The following ELOVL6 variants were observed in gnomAD, a reference collection of about 807,000 sequenced individuals.
ELOVL6 encodes the protein ELOVL fatty acid elongase 6.
A neutral mutation model predicts 31.7 loss-of-function variants in ELOVL6; 8 were observed. The ratio of observed to expected loss-of-function variants is 0.25; its 90% CI spans 0.15 to 0.45. The LOEUF (loss-of-function observed/expected upper bound fraction) is 0.45. Among genes scored for constraint, ELOVL6 ranks in the 20% least tolerant of loss-of-function variants. The probability of loss-of-function intolerance (pLI) is 1.00; values close to 1 mark genes in which losing one functional copy is unlikely to be tolerated. For synonymous variants in ELOVL6, 101 were observed against 117.7 expected (o/e 0.86, Z 0.92); for missense variants, 126 against 326.4 (o/e 0.39, Z 4.73).
intron 1 of ELOVL6, among the ~76,000 whole-genome samples, chr4:110,109,883 G>GT (rs1052421180): frequency 6.6e-6 from 1 of 152,144 alleles, no homozygotes; most frequent in African/African-American, 2.4e-5. Flanking sequence ...CTTTCATGTC[G>GT]TATCTACATG....
intron 1 of ELOVL6, among the ~76,000 whole-genome samples, chr4:110,185,465 T>C (rs1759410212): frequency 6.6e-6 from 1 of 152,142 alleles, no homozygotes; most frequent in African/African-American, 2.4e-5. Context: ...ATGTACTAAG[T>C]GCCAAATTTT....
At chr4:110,100,513 A>G (rs191260155) in intron 2 of ELOVL6, among the ~76,000 whole-genome samples, 89 of 152,274 alleles carry the variant, frequency 5.8e-4, no homozygotes, top group African/African-American at 2.1e-3. Context: ...TATGCTGCAG[A>G]TATGATTTAA....
chr4:110,138,762 C>T (rs116759377), intron 1 of ELOVL6, among the ~76,000 whole-genome samples: 1,540 of 152,092 alleles, frequency 0.01, 19 homozygotes, highest in African/African-American at 0.036. Context: ...GTGAGTCCCA[C>T]GCAGCTCTTA....
intron 2 of ELOVL6, among the ~76,000 whole-genome samples, chr4:110,069,131 A>AAATAATAATAATAATAATAAT (rs58966120): frequency 7.5e-6 from 1 of 133,698 alleles, no homozygotes; most frequent in Non-Finnish European, 1.5e-5. Flanking sequence ...CTCTGTCTCC[A>AAATAATAATAATAATAATAAT]AATAATAATA....
intron 1 of ELOVL6, among the ~76,000 whole-genome samples, chr4:110,144,772 C>A (rs1220987829): frequency 6.6e-6 from 1 of 152,110 alleles, no homozygotes; most frequent in African/African-American, 2.4e-5. Context: ...CTTTGAAGAA[C>A]TGAAATAATT....
rs1560813510 is a variant in ELOVL6, at chr4:110,084,012, G to GA, written c.221+21484_221+21485insT. On this transcript the variant is annotated intron_variant, in intron 2 of 3. Transcript: ENST00000302274. ...CGATATATAACATATGCCATATATG[G>GA]TATATAACATATGCCATATATGGTA... 1.2e-3 allele frequency among the ~76,000 whole-genome samples: 13 copies of GA among 10,870 alleles called. 2 individuals are homozygous for GA. The East Asian group carries it at 0.04, about 33-fold the overall frequency. The allele number at this position is 10,870 out of a possible 152,430, so 7.1% of individuals were successfully genotyped here. A position where few individuals can be genotyped will look rare whatever the true frequency, so the allele number is the denominator to read the frequency against.
In ELOVL6 at chr4:110,051,835, G is replaced by A; in HGVS notation, c.374-73C>T. 7.7e-7 allele frequency: 1 copy of A among 1,294,434 alleles called. No homozygotes were observed. Among genetic ancestry groups the A allele is most frequent in the Non-Finnish European group, 1.1e-6 (1 of 924,428 alleles). 80.2% of individuals were successfully genotyped at this position (1,294,434 alleles called of 1,614,324 possible). On this transcript the variant is annotated intron_variant, in intron 3 of 3. Coordinates refer to ENST00000302274, the MANE Select transcript of ELOVL6 (RefSeq NM_024090.3). The surrounding 1 kb of genome is among the most constrained non-coding windows in gnomAD (Gnocchi z 4.8). ...AACGATGACTTACAGTTTTGTAAGA[G>A]GGTAGACATCCTGAGCTAGGACTGG...
At chr4:110,180,816 A>G (rs746345904) in intron 1 of ELOVL6, among the ~76,000 whole-genome samples, 13 of 152,212 alleles carry the variant, frequency 8.5e-5, no homozygotes, top group Non-Finnish European at 1.9e-4. Context: ...AAAAATAGCC[A>G]AGAGCTGTTT....
intron 2 of ELOVL6, among the ~76,000 whole-genome samples, chr4:110,081,039 T>C (rs917144754): frequency 9.9e-5 from 15 of 152,226 alleles, no homozygotes; most frequent in East Asian, 3.9e-4. Context: ...TTACAAGGGA[T>C]GTGAAGGACC....
intron 2 of ELOVL6, among the ~76,000 whole-genome samples, chr4:110,070,188 T>C (rs1755429281): frequency 6.6e-6 from 1 of 152,202 alleles, no homozygotes; most frequent in Non-Finnish European, 1.5e-5. Flanking sequence ...GCCAAATGAA[T>C]ACTGATTTCA....
At chr4:110,105,680 C>T (rs1460843848) in intron 1 of ELOVL6, 52 bp from the exon 2 acceptor site, 3 of 1,552,776 alleles carry the variant, frequency 1.9e-6, no homozygotes, top group African/African-American at 1.4e-5. Flanking sequence ...TTAGGAAACA[C>T]CAAATTTTGT....
rs558987366 is a variant in ELOVL6 at position 110,188,454 on chromosome 4, C to A, written c.89+9793G>T. ...TTGTGACACACCCCTCATCATCACA[C>A]CAGCCATCCAAGCCTTATTCAAGCC... is the stretch of plus-strand genomic sequence containing the variant. On this transcript the variant is annotated intron_variant, in intron 1 of 3. Coordinates refer to ENST00000302274, the MANE Select transcript of ELOVL6 (RefSeq NM_024090.3). 2.0e-5 allele frequency among the ~76,000 whole-genome samples: 3 copies of A among 152,200 alleles called. No individual in the cohort carries two copies. In the South Asian group the frequency reaches 6.2e-4, roughly 32 times the overall value.
chr4:110,133,063 A>G (rs1757714892), intron 1 of ELOVL6, among the ~76,000 whole-genome samples: 1 of 152,154 alleles, frequency 6.6e-6, no homozygotes, highest in Non-Finnish European at 1.5e-5. Flanking sequence ...TACAGAACCT[A>G]ATGGGAAGGG....
At chr4:110,093,651 C>T (rs951478447) in intron 2 of ELOVL6, among the ~76,000 whole-genome samples, 3 of 152,124 alleles carry the variant, frequency 2.0e-5, no homozygotes, top group African/African-American at 7.2e-5. Flanking sequence ...TAGTAAGTCT[C>T]TTCATTTCCC....
At chr4:110,057,511 A>G (rs112949381) in intron 3 of ELOVL6, among the ~76,000 whole-genome samples, 3,869 of 152,202 alleles carry the variant, frequency 0.025, 174 homozygotes, top group African/African-American at 0.088. Flanking sequence ...TATATTTCTC[A>G]ACTAAAATAA....
chr4:110,083,978 TGCCATATAC>T (rs1560813315), intron 2 of ELOVL6, among the ~76,000 whole-genome samples: 1,313 of 106,318 alleles, frequency 0.012, 154 homozygotes, highest in Non-Finnish European at 0.018. Flanking sequence ...ATATAACATA[TGCCATATAC>T]GATATATAAC....
chr4:110,141,668 TAG>T (rs555471934), intron 1 of ELOVL6, among the ~76,000 whole-genome samples: 174 of 148,434 alleles, frequency 1.2e-3, no homozygotes, highest in African/African-American at 4.1e-3. Context: ...TATATATATA[TAG>T]TGTATATATA....
chr4:110,157,432 A>T (rs1758480107), intron 1 of ELOVL6, among the ~76,000 whole-genome samples: 1 of 152,142 alleles, frequency 6.6e-6, no homozygotes, highest in Non-Finnish European at 1.5e-5. Context: ...GCATTTTGGG[A>T]GGCCGAGGCA....
At chr4:110,110,076 C>T (rs1578487127) in intron 1 of ELOVL6, among the ~76,000 whole-genome samples, 1 of 152,138 alleles carries the variant, frequency 6.6e-6, no homozygotes, top group Non-Finnish European at 1.5e-5. Flanking sequence ...AACTGGTGCA[C>T]CCCCCTCCTC....
Sources: allele counts gnomAD v4.1 joint callset (sites outside exome capture counted in the v4.1 genomes callset), GRCh38; gene constraint gnomAD v4.1.1; non-coding constraint Gnocchi (gnomAD v3.1); transcripts MANE v1.5; gene names NCBI Gene and HGNC (gene_info 2026-07-23, HGNC 2026-07-21).